The following SFT2D1 variants were observed in gnomAD, a reference collection of about 807,000 sequenced individuals.
SFT2D1 encodes vesicle transport protein SFT2A.
In SFT2D1, 24 loss-of-function variants were observed where a neutral mutation model predicts 28.1. The observed-to-expected ratio is 0.85, with a 90% CI of 0.62 to 1.20. SFT2D1 has a LOEUF of 1.20. Ranked by LOEUF, SFT2D1 falls within the 50% of genes most tolerant of loss-of-function variation. The probability of loss-of-function intolerance (pLI) is 0.00; values close to 1 mark genes in which losing one functional copy is unlikely to be tolerated. For missense variants in SFT2D1, 181 were observed against 190.9 expected (o/e 0.95, Z 0.31); for synonymous variants, 82 against 73.7 (o/e 1.11, Z -0.58).
intron 7 of SFT2D1, 125 bp downstream of exon 7, chr6:166,322,732 G>T: frequency 1.5e-6 from 1 of 680,754 alleles, no homozygotes; most frequent in Non-Finnish European, 2.4e-6. Context: ...TTCCTTTTAG[G>T]AAATTAAAAT....
intron 1 of SFT2D1, chr6:166,335,308 C>A: frequency 5.2e-6 from 3 of 578,130 alleles, no homozygotes; most frequent in South Asian, 4.1e-5. Context: ...GCAGGGATGG[C>A]TGTAATGGAT....
chr6:166,340,261 G>A (rs1479418282), intron 1 of SFT2D1, among the ~76,000 whole-genome samples: 1 of 152,160 alleles, frequency 6.6e-6, no homozygotes, highest in Non-Finnish European at 1.5e-5. Flanking sequence ...CAGTCTCTGG[G>A]CTTCTAACAT....
intron 1 of SFT2D1, 147 bp from the exon 2 acceptor site, chr6:166,330,394 C>T (rs971385642): frequency 6.4e-6 from 4 of 624,148 alleles, no homozygotes; most frequent in Admixed American, 3.4e-5. Context: ...TAAGATTCCA[C>T]GGTTGTTAAG....
chr6:166,330,166 T>A lies in SFT2D1; in HGVS notation c.145A>T (p.Ile49Phe). The change falls in exon 2 of 8, where the codon ATT becomes TTT. Residue 49 changes from isoleucine to phenylalanine, a missense_variant. By Grantham distance (21) the Ile-to-Phe change is conservative. Transcript: ENST00000361731. ...ICFVCGVFFS[I>F]LGTGLLWLPG... ...AATATAAAGCCTTAACTCACAAGAA[T>A]AGAAAAGAAAACGCCACATACGAAG... The A allele has an allele frequency of 6.3e-7, 1 of 1,588,920 alleles. No homozygotes were observed. The highest frequency in any genetic ancestry group is 8.5e-7 in the Non-Finnish European group (1 of 1,171,834).
At chr6:166,324,148 T>C (rs1778402065) in intron 6 of SFT2D1, 1 of 168,720 alleles carries the variant, frequency 5.9e-6, no homozygotes, top group African/African-American at 2.4e-5. Flanking sequence ...TCAGGATAAA[T>C]TCCACGTTGT....
intron 7 of SFT2D1, 36 bp from the exon 8 acceptor site, chr6:166,320,292 T>C (rs751887705): frequency 1.3e-6 from 2 of 1,583,724 alleles, no homozygotes; most frequent in Non-Finnish European, 1.7e-6. Context: ...CAGAATATAA[T>C]ATTCCTCAAA....
At position 166,329,675 on chromosome 6, in the gene SFT2D1, C is replaced by T. The variant is rs1583037692; in HGVS notation, c.151-86G>A. 5.0e-6 allele frequency: 5 copies of T among 993,996 alleles called. No individual in the cohort carries two copies. In the East Asian group the frequency reaches 1.3e-4, roughly 27 times the overall value. The allele number at this position is 993,996 out of a possible 1,614,324, so 61.6% of individuals were successfully genotyped here. Reference sequence around the variant, plus strand: ...AACGTGCTACTGCAGTAATACAATACCAATATTATGTAATATGTTTAAATA... The same window carrying T: ...AACGTGCTACTGCAGTAATACAATATCAATATTATGTAATATGTTTAAATA... On this transcript the variant is annotated intron_variant, in intron 2 of 7. Coordinates refer to ENST00000361731, the MANE Select transcript of SFT2D1 (RefSeq NM_145169.3).
intron 4 of SFT2D1, among the ~76,000 whole-genome samples, chr6:166,326,755 C>T (rs1778451126): frequency 6.6e-6 from 1 of 152,216 alleles, no homozygotes; most frequent in African/African-American, 2.4e-5. Flanking sequence ...CAAAGTGCTC[C>T]ACCTTGGGAG....
chr6:166,327,003 A>C (rs543126232), intron 4 of SFT2D1, among the ~76,000 whole-genome samples: 119 of 152,350 alleles, frequency 7.8e-4, no homozygotes, highest in African/African-American at 2.8e-3. Flanking sequence ...ATTCAAAATA[A>C]TTGGAGATTA....
At chr6:166,335,833 G>T (rs577936312) in intron 1 of SFT2D1, among the ~76,000 whole-genome samples, 1 of 152,204 alleles carries the variant, frequency 6.6e-6, no homozygotes, top group African/African-American at 2.4e-5. Flanking sequence ...AGAGATTTGT[G>T]AACTCAGTCA....
intron 5 of SFT2D1, among the ~76,000 whole-genome samples, chr6:166,325,451 G>A (rs761008760): frequency 4.6e-5 from 7 of 152,212 alleles, no homozygotes; most frequent in Non-Finnish European, 7.3e-5. Context: ...AAACGGAATT[G>A]TAACAATGTG....
intron 1 of SFT2D1, among the ~76,000 whole-genome samples, chr6:166,333,706 A>G (rs1778593590): frequency 1.3e-5 from 2 of 152,304 alleles, no homozygotes; most frequent in South Asian, 2.1e-4. Context: ...GCCAGTCCTC[A>G]TCAGCCCCCC....
rs1562444324 is a variant in SFT2D1 at position 166,330,205 on chromosome 6, A to G, written c.106T>C (p.Trp36Arg). The change falls in exon 2 of 8, where the codon TGG becomes CGG. Residue 36 changes from tryptophan to arginine, a missense_variant. Physicochemically the swap from Trp to Arg is moderately radical, Grantham distance 101. Transcript: ENST00000361731. ...SSLSFNTRLK[W>R]FAICFVCGVF... ...CCACATACGAAGCAGATGGCAAACC[A>G]TTTCAATCTGGTGTTGAAACTAAGG... 3 of 1,607,408 alleles carry G rather than the reference A, an allele frequency of 1.9e-6. No individual in the cohort carries two copies. The highest frequency in any genetic ancestry group is 2.5e-6 in the Non-Finnish European group (3 of 1,178,058).
chr6:166,329,452 G>C, intron 3 of SFT2D1, 55 bp downstream of exon 3: 1 of 1,491,004 alleles, frequency 6.7e-7, no homozygotes. Context: ...GTGCTTATTA[G>C]AAAGGTAAAT....
chr6:166,320,405 TTTAAGA>T, intron 7 of SFT2D1, 149 bp from the exon 8 acceptor site: 2 of 638,650 alleles, frequency 3.1e-6, no homozygotes, highest in Non-Finnish European at 5.3e-6. Flanking sequence ...TTCAGTATCA[TTTAAGA>T]TTAAGAGCTA....
At chr6:166,341,353 G>A (rs2114917831) in intron 1 of SFT2D1, among the ~76,000 whole-genome samples, 1 of 151,752 alleles carries the variant, frequency 6.6e-6, no homozygotes. Flanking sequence ...GGAGGCTGAG[G>A]CAGGAGAATT....
intron 3 of SFT2D1, among the ~76,000 whole-genome samples, chr6:166,329,040 TAGAGTGCAGCAGCTCC>T (rs545306813): frequency 1.9e-4 from 29 of 152,308 alleles, no homozygotes; most frequent in Middle Eastern, 3.4e-3. Flanking sequence ...GAACAAAGCC[TAGAGTGCAGCAGCTCC>T]AAGCCTGGGC....
chr6:166,338,662 C>A (rs776977568), intron 1 of SFT2D1, among the ~76,000 whole-genome samples: 108 of 151,840 alleles, frequency 7.1e-4, no homozygotes, highest in Middle Eastern at 3.2e-3. Context: ...CAGGGCAAGG[C>A]AAGCACTGGG....
intron 6 of SFT2D1, 21 bp from the exon 7 acceptor site, chr6:166,322,907 T>C (rs1407742551): frequency 1.2e-6 from 2 of 1,601,224 alleles, no homozygotes; most frequent in Admixed American, 1.7e-5. Flanking sequence ...TATTCAAGCA[T>C]GTTGAATCTT....
Sources: gnomAD v4.1 joint callset for allele counts (sites outside exome capture counted in the v4.1 genomes callset) on GRCh38, gnomAD v4.1.1 for gene constraint, MANE v1.5 for transcripts, NCBI Gene and HGNC (gene_info 2026-07-23, HGNC 2026-07-21) for gene names.